CSRNP3: variants seen among roughly 807,000 people sequenced by gnomAD.
CSRNP3 encodes the protein cysteine and serine rich nuclear protein 3, also known as cysteine/serine-rich nuclear protein 3.
Under a neutral mutation model 48.0 loss-of-function variants are expected in CSRNP3, and 12 were observed. That is an observed-to-expected ratio of 0.25 (90% CI 0.16 to 0.41). The LOEUF is 0.41. Ranked by LOEUF, CSRNP3 falls within the 10% of genes least tolerant of loss-of-function variation. The pLI, the probability that CSRNP3 is intolerant of heterozygous loss-of-function variation, is 1.00. For missense variants in CSRNP3, 580 were observed against 724.4 expected (o/e 0.80, Z 2.29); for synonymous variants, 263 against 269.7 (o/e 0.98, Z 0.24).
intron 4 of CSRNP3, among the ~76,000 whole-genome samples, chr2:165,639,177 G>A (rs1202578934): frequency 1.3e-5 from 2 of 152,156 alleles, no homozygotes; most frequent in Non-Finnish European, 2.9e-5. Context: ...AGACAGCACT[G>A]GTACTTGGGG....
chr2:165,687,578 A>C lies in CSRNP3; in HGVS notation c.*7825A>C, dbSNP rs1344421624. 3 of 152,054 alleles carry C rather than the reference A, an allele frequency of 2.0e-5. No homozygotes were observed. The highest frequency in any genetic ancestry group is 7.2e-5 in the African/African-American group (3 of 41,416). 9.4% of individuals were successfully genotyped at this position (152,054 alleles called of 1,614,324 possible). A position where few individuals can be genotyped will look rare whatever the true frequency, so the allele number is the denominator to read the frequency against. ...AAAGTTTTTCCACTCCTCCTGTGGG[A>C]GATAGGAATAGTTGTGAAGAGTCTG... is the stretch of plus-strand genomic sequence containing the variant. On this transcript the variant is annotated 3_prime_UTR_variant, in exon 7 of 7. Coordinates refer to ENST00000651982, the MANE Select transcript of CSRNP3 (RefSeq NM_001172173.2).
intron 2 of CSRNP3, among the ~76,000 whole-genome samples, chr2:165,514,610 C>T (rs1684551193): frequency 6.6e-6 from 1 of 152,244 alleles, no homozygotes; most frequent in Non-Finnish European, 1.5e-5. Flanking sequence ...GGAATGGTCA[C>T]CTGCATCAAC....
intron 1 of CSRNP3, among the ~76,000 whole-genome samples, chr2:165,492,319 C>G (rs889469123): frequency 3.9e-5 from 6 of 152,110 alleles, no homozygotes; most frequent in African/African-American, 1.4e-4. Context: ...TTTTAAGTAC[C>G]TGTAGTGGCT....
chr2:165,497,654 A>G (rs1388338583), intron 2 of CSRNP3, among the ~76,000 whole-genome samples: 1 of 152,124 alleles, frequency 6.6e-6, no homozygotes, highest in Admixed American at 6.6e-5. Flanking sequence ...TTCAAAGACT[A>G]TGAGAACTAG....
chr2:165,524,059 C>G (rs1189158680), intron 3 of CSRNP3, among the ~76,000 whole-genome samples: 1 of 152,124 alleles, frequency 6.6e-6, no homozygotes, highest in Non-Finnish European at 1.5e-5. Context: ...AAGCATACAT[C>G]AGAGCAATAA....
chr2:165,573,048 G>T (rs1685396494), intron 3 of CSRNP3, among the ~76,000 whole-genome samples: 1 of 151,882 alleles, frequency 6.6e-6, no homozygotes, highest in African/African-American at 2.4e-5. Flanking sequence ...GGAAGGTTTG[G>T]AATATTTAAT....
At chr2:165,661,514 G>A (rs945112940) in intron 5 of CSRNP3, among the ~76,000 whole-genome samples, 2 of 152,086 alleles carry the variant, frequency 1.3e-5, no homozygotes, top group Admixed American at 1.3e-4. Context: ...TGCTAGCCCA[G>A]CAAAAGATCA....
At position 165,681,210 on chromosome 2, in the gene CSRNP3, C is replaced by A. The variant is rs550227193; in HGVS notation, c.*1457C>A. On this transcript the variant is annotated 3_prime_UTR_variant, in exon 7 of 7. Transcript: ENST00000651982. ...TAGGTAACTAAATAGTGTAATTCTG[C>A]CTTTTTTTTTCCAATGCAATATGAC... 1 of 152,126 alleles carries A rather than the reference C, an allele frequency of 6.6e-6. No homozygotes were observed. The highest frequency in any genetic ancestry group is 2.4e-5 in the African/African-American group (1 of 41,526). 9.4% of individuals were successfully genotyped at this position (152,126 alleles called of 1,614,324 possible).
intron 2 of CSRNP3, among the ~76,000 whole-genome samples, chr2:165,507,321 G>T (rs995429698): frequency 5.3e-5 from 8 of 151,996 alleles, no homozygotes; most frequent in Non-Finnish European, 1.2e-4. Flanking sequence ...AGTCACAGAG[G>T]TTAGAAATTT....
At chr2:165,510,787 A>G (rs889049432) in intron 2 of CSRNP3, among the ~76,000 whole-genome samples, 4 of 152,190 alleles carry the variant, frequency 2.6e-5, no homozygotes, top group African/African-American at 9.6e-5. Context: ...TGCAGAATAG[A>G]GTAAACAGTA....
At position 165,681,825 on chromosome 2, in the gene CSRNP3, G is replaced by A. The variant is rs1313938741; in HGVS notation, c.*2072G>A. 277 of 141,024 alleles carry A rather than the reference G, an allele frequency of 2.0e-3. 1 individual carries two copies. The highest frequency in any genetic ancestry group is 6.5e-3 in the African/African-American group (246 of 37,942). 8.7% of individuals were successfully genotyped at this position (141,024 alleles called of 1,614,324 possible). A position where few individuals can be genotyped will look rare whatever the true frequency, so the allele number is the denominator to read the frequency against. ...TGTATGTGTGTGTGTGTGTGTGTGT[G>A]TGTGTATATATATATATCCCATGTT... On this transcript the variant is annotated 3_prime_UTR_variant, in exon 7 of 7. Transcript: ENST00000651982.
At chr2:165,671,910 G>C (rs528435643) in intron 5 of CSRNP3, among the ~76,000 whole-genome samples, 30 of 152,184 alleles carry the variant, frequency 2.0e-4, no homozygotes, top group African/African-American at 7.2e-4. Context: ...CTAGAGCGGG[G>C]AAAAAATCCA....
At chr2:165,585,893 A>G (rs1353338515) in intron 3 of CSRNP3, among the ~76,000 whole-genome samples, 2 of 152,104 alleles carry the variant, frequency 1.3e-5, no homozygotes, top group Admixed American at 6.5e-5. Context: ...GATAAACCGA[A>G]TCTCCCAAGT....
At chr2:165,640,017 A>C (rs945713659) in intron 4 of CSRNP3, among the ~76,000 whole-genome samples, 1 of 152,228 alleles carries the variant, frequency 6.6e-6, no homozygotes, top group Non-Finnish European at 1.5e-5. Context: ...AGTACAGAAC[A>C]GAGCATTTTA....
At chr2:165,546,034 T>C (rs1028128555) in intron 3 of CSRNP3, among the ~76,000 whole-genome samples, 3 of 152,136 alleles carry the variant, frequency 2.0e-5, no homozygotes, top group Non-Finnish European at 4.4e-5. Context: ...AGCCCCACTT[T>C]ATAGATGAGG....
chr2:165,470,229 TAG>T (rs1011297213), intron 1 of CSRNP3, among the ~76,000 whole-genome samples: 2 of 152,116 alleles, frequency 1.3e-5, no homozygotes, highest in African/African-American at 4.8e-5. Flanking sequence ...TTGCAGGTTG[TAG>T]ACTCTTTTAG....
chr2:165,502,529 A>T (rs1033211971), intron 2 of CSRNP3, among the ~76,000 whole-genome samples: 12 of 152,070 alleles, frequency 7.9e-5, no homozygotes, highest in Admixed American at 7.9e-4. Flanking sequence ...ATCTTAGAGC[A>T]AATCTCTAAA....
At chr2:165,661,065 A>G (rs1244916604) in intron 5 of CSRNP3, among the ~76,000 whole-genome samples, 1 of 152,190 alleles carries the variant, frequency 6.6e-6, no homozygotes, top group Non-Finnish European at 1.5e-5. Context: ...TTCCTCTAGT[A>G]TGTGAACTTT....
intron 1 of CSRNP3, among the ~76,000 whole-genome samples, chr2:165,472,238 T>G (rs1387293042): frequency 6.6e-6 from 1 of 152,028 alleles, no homozygotes; most frequent in Non-Finnish European, 1.5e-5. Flanking sequence ...GACATTAGAA[T>G]AAGAATTTTT....
Sources: gnomAD v4.1 joint callset for allele counts (sites outside exome capture counted in the v4.1 genomes callset) on GRCh38, gnomAD v4.1.1 for gene constraint, MANE v1.5 for transcripts, NCBI Gene and HGNC (gene_info 2026-07-23, HGNC 2026-07-21) for gene names.